GATAD2A: variants seen among roughly 807,000 people sequenced by gnomAD.
GATAD2A encodes GATA zinc finger domain containing 2A, also known as transcriptional repressor p66-alpha.
In GATAD2A, 12 loss-of-function variants were observed where a neutral mutation model predicts 68.5. The observed-to-expected ratio is 0.18, with a 90% CI of 0.11 to 0.28. The LOEUF is 0.28. Ranked by LOEUF, GATAD2A falls within the 10% of genes least tolerant of loss-of-function variation. The pLI, the probability that GATAD2A is intolerant of heterozygous loss-of-function variation, is 1.00. For missense variants in GATAD2A, 755 were observed against 868.5 expected, an observed-to-expected ratio of 0.87 and a Z score of 1.64; for synonymous variants, 410 against 375.3, an observed-to-expected ratio of 1.09 and a Z score of -1.07.
intron 2 of GATAD2A, among the ~76,000 whole-genome samples, chr19:19,470,143 A>ATTTTTTTTTTTTTTTTTT (rs750710437): frequency 7.5e-6 from 1 of 132,850 alleles, no homozygotes; most frequent in African/African-American, 2.8e-5. Context: ...CTGCGACTTT[A>ATTTTTTTTTTTTTTTTTT]TTTTTTTTTT....
At chr19:19,414,021 T>C (rs1208244685) in intron 1 of GATAD2A, among the ~76,000 whole-genome samples, 1 of 152,166 alleles carries the variant, frequency 6.6e-6, no homozygotes, top group Non-Finnish European at 1.5e-5. Context: ...TGTTGTCTCT[T>C]TTCTGACTGT....
At chr19:19,439,973 T>G (rs970378942) in intron 1 of GATAD2A, 2 of 165,998 alleles carry the variant, frequency 1.2e-5, no homozygotes, top group African/African-American at 4.8e-5. Flanking sequence ...ACAAGGATTG[T>G]GTTCATTACA....
chr19:19,488,601 A>G (rs1244271750), intron 2 of GATAD2A, among the ~76,000 whole-genome samples: 1 of 152,162 alleles, frequency 6.6e-6, no homozygotes, highest in Non-Finnish European at 1.5e-5. Flanking sequence ...TAAGTTTATA[A>G]TCCCGGCCTC....
intron 2 of GATAD2A, among the ~76,000 whole-genome samples, chr19:19,484,492 TTC>T (rs2059273343): frequency 6.6e-6 from 1 of 152,008 alleles, no homozygotes; most frequent in South Asian, 2.1e-4. Context: ...TGTGTCCTTT[TTC>T]TCTGTCACAG....
At chr19:19,439,549 C>G (rs1283137860) in intron 1 of GATAD2A, among the ~76,000 whole-genome samples, 1 of 152,094 alleles carries the variant, frequency 6.6e-6, no homozygotes, top group African/African-American at 2.4e-5. Flanking sequence ...TTTGCAACAT[C>G]TAGCAAAAGG....
Position 19,395,541 on chromosome 19 carries a change from T to C in GATAD2A, c.-7+9403T>C, listed in dbSNP as rs1268975313. On this transcript the variant is annotated intron_variant, in intron 1 of 11. Coordinates refer to the GATAD2A transcript ENST00000360315. ...GAGCTGGAAGCCACCAGTGGACCTG[T>C]ACTTGCCAGTTTTGGGGTCTCAACT... Among the ~76,000 whole-genome samples, 3 of 152,156 alleles carry C rather than the reference T, an allele frequency of 2.0e-5. No individual in the cohort carries two copies. The East Asian group carries it at 5.8e-4, about 29-fold the overall frequency.
chr19:19,498,826 T>C, intron 8 of GATAD2A, 104 bp downstream of exon 8: 1 of 1,006,994 alleles, frequency 9.9e-7, no homozygotes, highest in Non-Finnish European at 1.5e-6. Flanking sequence ...CAGGGCTGCC[T>C]AGCCAGGATG....
At chr19:19,451,303 C>A (rs2056365457) in intron 1 of GATAD2A, among the ~76,000 whole-genome samples, 1 of 152,044 alleles carries the variant, frequency 6.6e-6, no homozygotes, top group Admixed American at 6.6e-5. Context: ...ATCACTTGAA[C>A]CCAGGAGGCG....
Position 19,506,000 on chromosome 19 carries a change from A to G in GATAD2A, c.*526A>G, listed in dbSNP as rs1410379799. ...TTTTTTTTTTTTTAATCACCTCATG[A>G]TGATGGAGTTAAAAGTAAACCGTGC... On this transcript the variant is annotated 3_prime_UTR_variant, in exon 12 of 12. Transcript: ENST00000683918. 1.0e-5 allele frequency: 4 copies of G among 397,840 alleles called. No individual in the cohort carries two copies. The highest frequency in any genetic ancestry group is 1.3e-4 in the South Asian group (1 of 7,848). 24.6% of individuals were successfully genotyped at this position (397,840 alleles called of 1,614,324 possible).
chr19:19,462,356 G>A (rs907977406), intron 1 of GATAD2A, among the ~76,000 whole-genome samples: 5 of 152,234 alleles, frequency 3.3e-5, no homozygotes, highest in African/African-American at 1.2e-4. Context: ...TGGCAGTGGA[G>A]GAGGCTCCTG....
rs71170682 is a variant in GATAD2A, at chr19:19,415,618, A to ATTT, written c.-7+9617_-7+9619dup. 8.1e-4 allele frequency among the ~76,000 whole-genome samples: 96 copies of ATTT among 118,012 alleles called. 2 individuals are homozygous for ATTT. Among genetic ancestry groups the ATTT allele is most frequent in the Middle Eastern group, 4.4e-3 (1 of 226 alleles). 77.4% of individuals were successfully genotyped at this position (118,012 alleles called of 152,430 possible). On this transcript the variant is annotated intron_variant, in intron 1 of 11. Coordinates refer to ENST00000683918, the MANE Select transcript of GATAD2A (RefSeq NM_001384528.1). The stretch of plus-strand genomic sequence containing the variant: ...GCGTGCGCCACCATGCCGGGCTAAT[A>ATTT]TTTTTTTTTTTTTTTTTTTTGAGAC...
chr19:19,486,011 TC>T (rs1245803845), intron 2 of GATAD2A, among the ~76,000 whole-genome samples: 1 of 152,160 alleles, frequency 6.6e-6, no homozygotes, highest in Non-Finnish European at 1.5e-5. Context: ...GGTCCATCAG[TC>T]CGTGGCGCTG....
intron 1 of GATAD2A, among the ~76,000 whole-genome samples, chr19:19,422,067 T>C (rs1284810718): frequency 6.6e-6 from 1 of 152,096 alleles, no homozygotes; most frequent in African/African-American, 2.4e-5. Flanking sequence ...AGGTGATCTG[T>C]CCTCCTTGGC....
intron 1 of GATAD2A, among the ~76,000 whole-genome samples, chr19:19,392,877 A>G (rs1009425233): frequency 4.0e-5 from 6 of 151,594 alleles, no homozygotes; most frequent in East Asian, 2.0e-4. Context: ...TTGTATTTTT[A>G]GTAGAGACAG....
In GATAD2A at chr19:19,506,151, T is replaced by A. The variant is rs1220896124; in HGVS notation, c.*677T>A. The A allele has an allele frequency of 2.5e-6, 1 of 398,572 alleles. No individual in the cohort carries two copies. The highest frequency in any genetic ancestry group is 2.1e-5 in the African/African-American group (1 of 48,550). The allele number at this position is 398,572 out of a possible 1,614,324, so 24.7% of individuals were successfully genotyped here. On this transcript the variant is annotated 3_prime_UTR_variant, in exon 12 of 12. Coordinates refer to ENST00000683918, the MANE Select transcript of GATAD2A (RefSeq NM_001384528.1). ...CCCGCCCCCGTGACTGACTGACAGA[T>A]GCAGGGATGGCCGAGGCAGCCCTCG... is the stretch of plus-strand genomic sequence containing the variant.
At chr19:19,417,979 G>C (rs2147215067) in intron 1 of GATAD2A, among the ~76,000 whole-genome samples, 1 of 152,298 alleles carries the variant, frequency 6.6e-6, no homozygotes, top group East Asian at 1.9e-4. Flanking sequence ...AAACAGGGCA[G>C]GGTGTCATGA....
At position 19,439,275 on chromosome 19, in the gene GATAD2A, G is replaced by A. The variant is rs142057908; in HGVS notation, c.-6-26065G>A. Among the ~76,000 whole-genome samples the A allele has an allele frequency of 3.3e-5, 5 of 152,348 alleles. No individual in the cohort carries two copies. In the East Asian group the frequency reaches 7.7e-4, roughly 23 times the overall value. ...CAGGTCCTCTTTGTTAAGCAGGCACGCACTGCCTAGTGCTGGGTGTTAAGG... is the reference window on the plus strand; with the variant it reads ...CAGGTCCTCTTTGTTAAGCAGGCACACACTGCCTAGTGCTGGGTGTTAAGG... On this transcript the variant is annotated intron_variant, in intron 1 of 11. Coordinates refer to ENST00000683918, the MANE Select transcript of GATAD2A (RefSeq NM_001384528.1).
chr19:19,433,888 C>T (rs999907906), intron 1 of GATAD2A, among the ~76,000 whole-genome samples: 2 of 152,306 alleles, frequency 1.3e-5, no homozygotes, highest in East Asian at 1.9e-4. Context: ...CCCACCTCAA[C>T]CTGAGAAGTA....
chr19:19,418,516 G>A (rs980838999), intron 1 of GATAD2A, among the ~76,000 whole-genome samples: 2 of 152,220 alleles, frequency 1.3e-5, no homozygotes, highest in African/African-American at 4.8e-5. Flanking sequence ...GATCTTTGTA[G>A]CAGTTGGAGG....
Sources: allele counts gnomAD v4.1 joint callset (sites outside exome capture counted in the v4.1 genomes callset), GRCh38; gene constraint gnomAD v4.1.1; transcripts MANE v1.5; gene names NCBI Gene and HGNC (gene_info 2026-07-23, HGNC 2026-07-21).